Variants in NUP153 observed in about 807,000 individuals in gnomAD.
NUP153 encodes the protein nucleoporin 153.
NUP153 carries 27 observed loss-of-function variants against 134.6 expected under a neutral mutation model. The ratio of observed to expected loss-of-function variants is 0.20; its 90% confidence interval spans 0.15 to 0.28. The LOEUF is 0.28. Among genes scored for constraint, NUP153 ranks in the 10% least tolerant of loss-of-function variants. The pLI is 1.00. For missense variants in NUP153, 1,821 were observed against 1,731.3 expected (o/e 1.05, Z -0.92); for synonymous variants, 640 against 623.5 (o/e 1.03, Z -0.40).
chr6:17,661,402 A>G (rs1229562674), intron 11 of NUP153, among the ~76,000 whole-genome samples: 1 of 152,218 alleles, frequency 6.6e-6, no homozygotes, highest in Non-Finnish European at 1.5e-5. Context: ...CAGTAATACC[A>G]AGGGTCAAAT....
intron 1 of NUP153, among the ~76,000 whole-genome samples, chr6:17,694,423 C>T (rs537329358): frequency 2.5e-4 from 38 of 152,244 alleles, no homozygotes; most frequent in African/African-American, 8.7e-4. Context: ...CTTCCGGAGG[C>T]CGACGCGGGC....
rs754159889 is a variant in NUP153 at position 17,669,412 on chromosome 6, G to A, written c.969+18C>T. The A allele has an allele frequency of 9.4e-6, 15 of 1,601,704 alleles. No homozygotes were observed. The highest frequency in any genetic ancestry group is 4.5e-5 in the East Asian group (2 of 44,798). On this transcript the variant is annotated intron_variant, in intron 6 of 21. Transcript: ENST00000262077. ...GTTTTGTTACACTCCTGTATTAATC[G>A]TGATTTTAAAAATTTACCGCTAAAG... is the stretch of plus-strand genomic sequence containing the variant.
At chr6:17,661,615 T>C (rs1164772146) in intron 11 of NUP153, 38 bp downstream of exon 11, 2 of 1,583,604 alleles carry the variant, frequency 1.3e-6, no homozygotes, top group Non-Finnish European at 1.7e-6. Flanking sequence ...CAATGCTTTT[T>C]AAATAAACCT....
chr6:17,684,925 G>A (rs554413131), intron 2 of NUP153, among the ~76,000 whole-genome samples: 1 of 152,238 alleles, frequency 6.6e-6, no homozygotes, highest in Admixed American at 6.5e-5. Context: ...GTGGCTCGTG[G>A]CACCCCAAAA....
chr6:17,689,677 C>T (rs547178682), intron 1 of NUP153, among the ~76,000 whole-genome samples: 2 of 151,756 alleles, frequency 1.3e-5, no homozygotes, highest in South Asian at 2.1e-4. Flanking sequence ...GCTGGGATTA[C>T]ACCACACCCA....
chr6:17,616,825 C>T (rs530991113), intron 20 of NUP153, 130 bp from the exon 21 acceptor site: 2 of 798,432 alleles, frequency 2.5e-6, no homozygotes, highest in African/African-American at 1.7e-5. Context: ...TCTTGGCTCA[C>T]TGCAACCCTT....
Position 17,697,345 on chromosome 6 carries a change from A to C in NUP153, c.112-8727T>G, listed in dbSNP as rs1371059023. ...ACATATCAGGAACATTCAACGTATA[A>C]GGTATTGTGAATACATTAGCTTTTC... is the stretch of plus-strand genomic sequence containing the variant. On this transcript the variant is annotated intron_variant, in intron 1 of 21. Transcript: ENST00000262077. Among the ~76,000 whole-genome samples the C allele has an allele frequency of 2.6e-5, 4 of 152,236 alleles. No individual in the cohort carries two copies. The South Asian group carries it at 8.3e-4, about 32-fold the overall frequency.
rs541437345 is a variant in NUP153, at chr6:17,621,700, G to A, written c.4174+2861C>T. ...AATGATGGTTCAGAGGCTTCGTTGGGGTGGTGGTAGGAAGGGAAGGTGGTT... is the reference window on the plus strand; with the variant it reads ...AATGATGGTTCAGAGGCTTCGTTGGAGTGGTGGTAGGAAGGGAAGGTGGTT... On this transcript the variant is annotated intron_variant, in intron 20 of 21. Transcript: ENST00000262077. 2.0e-4 allele frequency among the ~76,000 whole-genome samples: 31 copies of A among 152,294 alleles called. No individual in the cohort carries two copies. In the South Asian group the frequency reaches 5.6e-3, roughly 27 times the overall value.
At chr6:17,705,778 C>T (rs1323146783) in intron 1 of NUP153, among the ~76,000 whole-genome samples, 1 of 152,088 alleles carries the variant, frequency 6.6e-6, no homozygotes, top group Non-Finnish European at 1.5e-5. Flanking sequence ...TTCCACTTTC[C>T]ATGTAACAGC....
At chr6:17,702,304 G>C (rs868053901) in intron 1 of NUP153, among the ~76,000 whole-genome samples, 2 of 152,080 alleles carry the variant, frequency 1.3e-5, no homozygotes, top group African/African-American at 4.8e-5. Flanking sequence ...TCAGGAGATC[G>C]AGAACATCCT....
chr6:17,693,820 A>G (rs1262632810), intron 1 of NUP153, among the ~76,000 whole-genome samples: 1 of 152,188 alleles, frequency 6.6e-6, no homozygotes, highest in Non-Finnish European at 1.5e-5. Flanking sequence ...CAGGAGGCAG[A>G]GGTTGCAGTG....
intron 13 of NUP153, among the ~76,000 whole-genome samples, chr6:17,646,918 C>CT (rs376244443): frequency 0.68 from 89,458 of 131,072 alleles, 31,438 homozygotes; most frequent in Middle Eastern, 0.82. Context: ...TCTGTATTTT[C>CT]TTTTTTTTTT....
At chr6:17,643,028 G>A (rs1373562839) in intron 14 of NUP153, among the ~76,000 whole-genome samples, 2 of 152,200 alleles carry the variant, frequency 1.3e-5, no homozygotes, top group Non-Finnish European at 2.9e-5. Flanking sequence ...AGAATGGGGA[G>A]CAACTTTTTA....
At chr6:17,661,904 T>G (rs529148382) in intron 10 of NUP153, 114 bp downstream of exon 10, 1 of 1,289,546 alleles carries the variant, frequency 7.8e-7, no homozygotes, top group African/African-American at 1.5e-5. Context: ...CTTAGATTTC[T>G]TTATATAAAG....
intron 11 of NUP153, among the ~76,000 whole-genome samples, chr6:17,660,552 A>G (rs1245674614): frequency 6.6e-6 from 1 of 151,608 alleles, no homozygotes; most frequent in Admixed American, 6.6e-5. Flanking sequence ...AATAAATTAT[A>G]TATACATATA....
At chr6:17,639,073 T>C (rs1765704945) in intron 15 of NUP153, among the ~76,000 whole-genome samples, 1 of 152,106 alleles carries the variant, frequency 6.6e-6, no homozygotes, top group African/African-American at 2.4e-5. Context: ...ATTCTTTTTT[T>C]CTTTTCCTTT....
chr6:17,677,704 C>G lies in NUP153; in HGVS notation c.335-1934G>C, dbSNP rs985371467. On this transcript the variant is annotated intron_variant, in intron 2 of 21. Transcript: ENST00000262077. ...ATTTCTTCTTTTAGAGTGTCACACA[C>G]TTGTTAAAGTACATAATTTTTTTTT... Among the ~76,000 whole-genome samples, 4 of 148,628 alleles carry G rather than the reference C, an allele frequency of 2.7e-5. No homozygotes were observed. In the South Asian group the frequency reaches 8.6e-4, roughly 32 times the overall value.
rs566217787 is a variant in NUP153, at chr6:17,653,960, G to A, written c.1396-4660C>T. ...GCTATGTATGCTGACGTATTTGGGG[G>A]TGAAGTGTACTAATGTCTTCAACTA... On this transcript the variant is annotated intron_variant, in intron 11 of 21. Transcript: ENST00000262077. 8.5e-5 allele frequency among the ~76,000 whole-genome samples: 13 copies of A among 152,274 alleles called. No individual in the cohort carries two copies. In the South Asian group the frequency reaches 2.5e-3, roughly 29 times the overall value.
chr6:17,646,218 A>G, intron 13 of NUP153, 64 bp from the exon 14 acceptor site: 1 of 857,428 alleles, frequency 1.2e-6, no homozygotes, highest in Non-Finnish European at 1.9e-6. Context: ...GAGCTTTTTT[A>G]TTCCCCCGAG....
Sources: allele counts gnomAD v4.1 joint callset (sites outside exome capture counted in the v4.1 genomes callset), GRCh38; gene constraint gnomAD v4.1.1; transcripts MANE v1.5; gene names NCBI Gene and HGNC (gene_info 2026-07-23, HGNC 2026-07-21).